GPC6: variants seen among roughly 807,000 people sequenced by gnomAD.
GPC6 encodes glypican-6.
A neutral mutation model predicts 55.2 loss-of-function variants in GPC6; 14 were observed. The ratio of observed to expected loss-of-function variants is 0.25; its 90% CI spans 0.17 to 0.40. The LOEUF (loss-of-function observed/expected upper bound fraction) is 0.40. Ranked by LOEUF, GPC6 falls within the 10% of genes least tolerant of loss-of-function variation. The pLI, the probability that GPC6 is intolerant of heterozygous loss-of-function variation, is 1.00. For missense variants in GPC6, 641 were observed against 708.5 expected (o/e 0.90, Z 1.08); for synonymous variants, 278 against 259.6 (o/e 1.07, Z -0.68).
chr13:94,059,035 G>A (rs775078840), intron 4 of GPC6, among the ~76,000 whole-genome samples: 3 of 151,644 alleles, frequency 2.0e-5, no homozygotes, highest in Non-Finnish European at 4.4e-5. Context: ...TTGATTAAAG[G>A]TTACAAAATG....
chr13:93,443,940 A>G (rs758784182), intron 1 of GPC6, among the ~76,000 whole-genome samples: 4 of 152,194 alleles, frequency 2.6e-5, no homozygotes, highest in Non-Finnish European at 4.4e-5. Context: ...AAAAATAGAA[A>G]TCATTTAGAA....
At chr13:93,483,675 C>T (rs2139344798) in intron 1 of GPC6, among the ~76,000 whole-genome samples, 1 of 152,160 alleles carries the variant, frequency 6.6e-6, no homozygotes, top group Middle Eastern at 3.4e-3. Flanking sequence ...ATAAAAAGAG[C>T]CCTAAAATAA....
At chr13:94,339,746 C>CTT (rs1266284616) in intron 6 of GPC6, among the ~76,000 whole-genome samples, 1 of 106,360 alleles carries the variant, frequency 9.4e-6, no homozygotes, top group African/African-American at 3.8e-5. Flanking sequence ...AACCTGCATA[C>CTT]TTTCCTTTTT....
chr13:94,260,176 C>G (rs1471910843), intron 4 of GPC6, among the ~76,000 whole-genome samples: 2 of 152,134 alleles, frequency 1.3e-5, no homozygotes, highest in African/African-American at 4.8e-5. Context: ...CACCTGCTGC[C>G]ATGGTCTGGT....
At chr13:94,047,893 G>A (rs1247079943) in intron 4 of GPC6, among the ~76,000 whole-genome samples, 1 of 152,032 alleles carries the variant, frequency 6.6e-6, no homozygotes, top group Non-Finnish European at 1.5e-5. Flanking sequence ...CTCCAGATTC[G>A]CAGTTGATAG....
intron 4 of GPC6, among the ~76,000 whole-genome samples, chr13:94,083,130 G>GT (rs769829659): frequency 4.6e-5 from 7 of 152,016 alleles, no homozygotes; most frequent in Non-Finnish European, 7.4e-5. Flanking sequence ...CTTTTGTTTT[G>GT]TTTTTTGAGA....
At chr13:94,045,912 T>C (rs1345793882) in intron 4 of GPC6, among the ~76,000 whole-genome samples, 2 of 152,012 alleles carry the variant, frequency 1.3e-5, no homozygotes, top group African/African-American at 2.4e-5. Context: ...CATTATTCTA[T>C]TGAACCACCA....
chr13:93,281,007 T>C (rs1309744648), intron 1 of GPC6, among the ~76,000 whole-genome samples: 1 of 152,184 alleles, frequency 6.6e-6, no homozygotes, highest in Non-Finnish European at 1.5e-5. Flanking sequence ...GGTGCTGGTC[T>C]GAGGTCCAAG....
intron 3 of GPC6, among the ~76,000 whole-genome samples, chr13:93,888,414 A>G (rs1449962229): frequency 6.6e-6 from 1 of 152,154 alleles, no homozygotes; most frequent in East Asian, 1.9e-4. Flanking sequence ...CTCTTAGGTG[A>G]AAGAGTTTCC....
chr13:93,823,764 T>C (rs935188467), intron 2 of GPC6, among the ~76,000 whole-genome samples: 28 of 152,310 alleles, frequency 1.8e-4, no homozygotes, highest in Admixed American at 1.6e-3. Flanking sequence ...TTGGTTCTAA[T>C]AACCTCTCAA....
At chr13:93,584,410 T>C (rs937356212) in intron 2 of GPC6, among the ~76,000 whole-genome samples, 28 of 152,290 alleles carry the variant, frequency 1.8e-4, no homozygotes, top group Admixed American at 9.2e-4. Context: ...TAGGACATCG[T>C]TGGCTTTTTC....
chr13:94,025,596 G>A (rs1171205896), intron 3 of GPC6: 1 of 151,904 alleles, frequency 6.6e-6, no homozygotes, highest in African/African-American at 2.4e-5. Flanking sequence ...TATGGCCTTG[G>A]ACAAATTTGG....
At chr13:93,499,602 C>A (rs1018954500) in intron 1 of GPC6, among the ~76,000 whole-genome samples, 10 of 152,138 alleles carry the variant, frequency 6.6e-5, no homozygotes, top group African/African-American at 2.4e-4. Context: ...GCTAGCTTCT[C>A]CTGCATGTGG....
chr13:93,693,418 CAT>C (rs1165715002), intron 2 of GPC6, among the ~76,000 whole-genome samples: 1 of 147,592 alleles, frequency 6.8e-6, no homozygotes, highest in Non-Finnish European at 1.5e-5. Context: ...ATGTGTCATT[CAT>C]ATATATATAT....
At chr13:94,052,861 T>C (rs1039141002) in intron 4 of GPC6, among the ~76,000 whole-genome samples, 9 of 152,092 alleles carry the variant, frequency 5.9e-5, no homozygotes, top group Non-Finnish European at 1.2e-4. Flanking sequence ...CATTGAACTC[T>C]CAGGAAGTCC....
intron 4 of GPC6, among the ~76,000 whole-genome samples, chr13:94,121,862 T>C (rs1287036622): frequency 1.3e-5 from 2 of 152,142 alleles, no homozygotes; most frequent in African/African-American, 4.8e-5. Context: ...CACTCAGTAA[T>C]ACAGGAGTCC....
intron 1 of GPC6, among the ~76,000 whole-genome samples, chr13:93,268,270 T>A (rs1276333555): frequency 6.6e-6 from 1 of 152,180 alleles, no homozygotes; most frequent in Non-Finnish European, 1.5e-5. Flanking sequence ...CCAATGCCAT[T>A]TGGTCAAGAC....
chr13:93,707,479 A>G (rs1221114763), intron 2 of GPC6, among the ~76,000 whole-genome samples: 3 of 151,812 alleles, frequency 2.0e-5, no homozygotes, highest in Non-Finnish European at 2.9e-5. Context: ...TGGTAGGCAC[A>G]TGAATACTTC....
intron 1 of GPC6, among the ~76,000 whole-genome samples, chr13:93,258,058 C>G (rs1373402915): frequency 6.6e-6 from 1 of 152,084 alleles, no homozygotes; most frequent in African/African-American, 2.4e-5. Context: ...ATTACATTGT[C>G]ATTACTCGGG....
Sources: gnomAD v4.1 joint callset for allele counts (sites outside exome capture counted in the v4.1 genomes callset) on GRCh38, gnomAD v4.1.1 for gene constraint, MANE v1.5 for transcripts, NCBI Gene and HGNC (gene_info 2026-07-23, HGNC 2026-07-21) for gene names.